NLGN1: variants seen among roughly 807,000 people sequenced by gnomAD.
NLGN1 encodes the protein neuroligin-1.
NLGN1 carries 12 observed loss-of-function variants against 65.5 expected under a neutral mutation model. The ratio of observed to expected loss-of-function variants is 0.18; its 90% CI spans 0.12 to 0.30. The LOEUF (loss-of-function observed/expected upper bound fraction) is 0.30, where lower values mean the gene tolerates loss of function less well. Ranked by LOEUF, NLGN1 falls within the 10% of genes least tolerant of loss-of-function variation. The pLI is 1.00. For synonymous variants in NLGN1, 350 were observed against 359.5 expected (o/e 0.97, Z 0.30); for missense variants, 750 against 1,007.1 (o/e 0.74, Z 3.46).
At chr3:173,631,403 A>G (rs1755661314) in intron 3 of NLGN1, among the ~76,000 whole-genome samples, 1 of 152,136 alleles carries the variant, frequency 6.6e-6, no homozygotes, top group South Asian at 2.1e-4. Context: ...CCCGAACAGC[A>G]AAAAACAACC....
At chr3:173,441,314 C>T (rs761492527) in intron 2 of NLGN1, among the ~76,000 whole-genome samples, 5 of 152,148 alleles carry the variant, frequency 3.3e-5, no homozygotes, top group Admixed American at 6.5e-5. Flanking sequence ...ATTTTCTTCA[C>T]GATCTTTTCC....
exon 3 of NLGN1, chr3:173,604,337 C>T: frequency 2.3e-6 from 1 of 439,596 alleles, no homozygotes; most frequent in East Asian, 3.7e-5. Flanking sequence ...CAGTCAATGC[C>T]CACTCTTGCC....
intron 3 of NLGN1, among the ~76,000 whole-genome samples, chr3:173,680,413 C>A (rs1281233415): frequency 3.9e-5 from 6 of 151,982 alleles, no homozygotes; most frequent in African/African-American, 2.4e-5. Context: ...ATCACCACTG[C>A]CAAGTTCTAG....
intron 4 of NLGN1, among the ~76,000 whole-genome samples, chr3:173,876,201 C>T (rs1732075056): frequency 1.3e-5 from 2 of 152,130 alleles, no homozygotes; most frequent in South Asian, 4.2e-4. Flanking sequence ...GTTATGATGG[C>T]TGTGGAAGTG....
chr3:174,090,737 AT>A (rs59855485), intron 4 of NLGN1, among the ~76,000 whole-genome samples: 2,278 of 146,910 alleles, frequency 0.016, 42 homozygotes, highest in African/African-American at 0.037. Context: ...GAAAACAATG[AT>A]TTTTTTTTTT....
chr3:173,550,254 G>A (rs1174289381), intron 2 of NLGN1, among the ~76,000 whole-genome samples: 1 of 152,038 alleles, frequency 6.6e-6, no homozygotes, highest in African/African-American at 2.4e-5. Context: ...AATATATGCA[G>A]AGAGATAGAA....
chr3:173,923,775 CAGTT>C (rs1742500437), intron 4 of NLGN1, among the ~76,000 whole-genome samples: 1 of 152,030 alleles, frequency 6.6e-6, no homozygotes, highest in African/African-American at 2.4e-5. Flanking sequence ...TTTTACAAGT[CAGTT>C]AATTTTCATT....
intron 4 of NLGN1, among the ~76,000 whole-genome samples, chr3:174,227,167 G>A (rs1175675287): frequency 6.6e-6 from 1 of 151,992 alleles, no homozygotes; most frequent in African/African-American, 2.4e-5. Context: ...ATAGTCTTCA[G>A]GTATAAAACA....
chr3:174,292,123 A>G, the NLGN1 span, among the ~76,000 whole-genome samples: 1 of 151,392 alleles, frequency 6.6e-6, no homozygotes, highest in South Asian at 2.1e-4. Flanking sequence ...TCTGAATCAG[A>G]GTAGAAGAGG....
intron 2 of NLGN1, among the ~76,000 whole-genome samples, chr3:173,446,878 G>A (rs900983102): frequency 3.9e-5 from 6 of 152,174 alleles, no homozygotes; most frequent in African/African-American, 1.4e-4. Context: ...CGAAGTGTCT[G>A]TTCACATCCT....
At chr3:173,487,706 A>G (rs1290926542) in intron 2 of NLGN1, among the ~76,000 whole-genome samples, 2 of 151,996 alleles carry the variant, frequency 1.3e-5, no homozygotes, top group Non-Finnish European at 2.9e-5. Flanking sequence ...TACACATTTT[A>G]TCTCTAATAT....
intron 3 of NLGN1, among the ~76,000 whole-genome samples, chr3:173,711,564 A>T (rs1012098243): frequency 2.6e-5 from 4 of 152,232 alleles, no homozygotes; most frequent in Non-Finnish European, 5.9e-5. Context: ...GCATAAAAGC[A>T]TCAAAGCTCA....
At chr3:173,937,529 A>G (rs1456371167) in intron 4 of NLGN1, among the ~76,000 whole-genome samples, 1 of 152,148 alleles carries the variant, frequency 6.6e-6, no homozygotes, top group African/African-American at 2.4e-5. Flanking sequence ...ACTGAGAATT[A>G]AAAATCTGAA....
intron 2 of NLGN1, among the ~76,000 whole-genome samples, chr3:173,593,287 A>G (rs1437564885): frequency 6.6e-6 from 1 of 152,180 alleles, no homozygotes; most frequent in South Asian, 2.1e-4. Context: ...AACTTGTGTC[A>G]TGGGGGTTTG....
At chr3:173,634,858 A>G (rs951738895) in intron 3 of NLGN1, among the ~76,000 whole-genome samples, 1 of 152,118 alleles carries the variant, frequency 6.6e-6, no homozygotes, top group Non-Finnish European at 1.5e-5. Context: ...TGAGGCTGAG[A>G]GATGCAGAAA....
intron 3 of NLGN1, among the ~76,000 whole-genome samples, chr3:173,803,850 A>C (rs1468055669): frequency 1.3e-5 from 2 of 152,140 alleles, no homozygotes; most frequent in Non-Finnish European, 2.9e-5. Flanking sequence ...AGAAAGATTT[A>C]ATTGAGGCAA....
rs147270887 is a variant in NLGN1, at chr3:173,964,021, A to G, written c.646+156189A>G. Among the ~76,000 whole-genome samples, 6 of 152,300 alleles carry G rather than the reference A, an allele frequency of 3.9e-5. No homozygotes were observed. The East Asian group carries it at 1.2e-3, about 30-fold the overall frequency. Reference sequence around the variant, plus strand: ...GCACAGGAGTGAATGGTAGGTAGGTAGGTGAGGAAGTGAATGGAAAGTGTA... The same window carrying G: ...GCACAGGAGTGAATGGTAGGTAGGTGGGTGAGGAAGTGAATGGAAAGTGTA... On this transcript the variant is annotated intron_variant, in intron 4 of 6. Transcript: ENST00000457714.
intron 4 of NLGN1, among the ~76,000 whole-genome samples, chr3:174,034,582 A>G (rs1246223): frequency 0.95 from 144,520 of 152,198 alleles, 68,667 homozygotes; most frequent in East Asian, 1. Flanking sequence ...AATCACCTGT[A>G]CTACATGTGA....
chr3:174,144,203 A>G (rs548182062), intron 4 of NLGN1, among the ~76,000 whole-genome samples: 10 of 152,248 alleles, frequency 6.6e-5, no homozygotes, highest in Non-Finnish European at 1.2e-4. Flanking sequence ...GCTGAGAATG[A>G]TGGTTTCCAG....
Sources: allele counts gnomAD v4.1 joint callset (sites outside exome capture counted in the v4.1 genomes callset), GRCh38; gene constraint gnomAD v4.1.1; transcripts MANE v1.5; gene names NCBI Gene and HGNC (gene_info 2026-07-23, HGNC 2026-07-21).